CD300LG: variants seen among roughly 807,000 people sequenced by gnomAD.
CD300LG encodes CD300 molecule like family member g.
Under a neutral mutation model 31.5 loss-of-function variants are expected in CD300LG, and 29 were observed. The observed-to-expected ratio is 0.92, with a 90% CI of 0.68 to 1.25. The LOEUF (loss-of-function observed/expected upper bound fraction) is 1.25. CD300LG is among the 50% of genes most tolerant of loss of function. CD300LG has a pLI of 0.00. For synonymous variants in CD300LG, 175 were observed against 177.2 expected, an observed-to-expected ratio of 0.99 and a Z score of 0.10; for missense variants, 396 against 417.6, an observed-to-expected ratio of 0.95 and a Z score of 0.45.
intron 2 of CD300LG, 145 bp from the exon 3 acceptor site, chr17:43,852,767 C>G: frequency 1.8e-6 from 1 of 550,976 alleles, no homozygotes; most frequent in Non-Finnish European, 3.1e-6. Flanking sequence ...CTGGAACCCG[C>G]CACGTGGCTC....
chr17:43,848,962 G>A, intron 2 of CD300LG, 69 bp downstream of exon 2: 3 of 1,355,712 alleles, frequency 2.2e-6, no homozygotes, highest in Non-Finnish European at 2.1e-6. Flanking sequence ...GGGTGGTGGG[G>A]CATAATCCTG....
chr17:43,854,724 G>T (rs1297588906), intron 4 of CD300LG, among the ~76,000 whole-genome samples: 2 of 152,072 alleles, frequency 1.3e-5, no homozygotes, highest in African/African-American at 4.8e-5. Flanking sequence ...ATGACCTAAC[G>T]AGTCGCTCAT....
At chr17:43,857,847 G>C (rs1168639741) in intron 6 of CD300LG, 20 of 1,537,134 alleles carry the variant, frequency 1.3e-5, no homozygotes, top group Non-Finnish European at 1.5e-5. Flanking sequence ...TGGTGTGGCT[G>C]CTCTGGGACC....
rs181607972 is a variant in CD300LG, at chr17:43,848,507, T to C, written c.44-51T>C. On this transcript the variant is annotated intron_variant, in intron 1 of 6. Transcript: ENST00000317310. ...TAAAATGGAAGCTCTGGCCTTGACC[T>C]TGGTACATGGAGCCTGGTTTTTCCA... 9.8e-4 allele frequency: 1,436 copies of C among 1,460,884 alleles called. 15 individuals carry two copies. The African/African-American group carries it at 0.018, about 18-fold the overall frequency. The allele number at this position is 1,460,884 out of a possible 1,614,324, so 90.5% of individuals were successfully genotyped here. A position where few individuals can be genotyped will look rare whatever the true frequency, so the allele number is the denominator to read the frequency against.
chr17:43,851,475 T>G (rs1040989563), intron 2 of CD300LG, among the ~76,000 whole-genome samples: 4 of 152,012 alleles, frequency 2.6e-5, no homozygotes, highest in African/African-American at 9.7e-5. Flanking sequence ...ATACTCAATC[T>G]GTAGAAGAGA....
chr17:43,861,375 C>T (rs1318106213), intron 6 of CD300LG: 1 of 718,636 alleles, frequency 1.4e-6, no homozygotes, highest in Non-Finnish European at 1.7e-6. Flanking sequence ...AAACCCCACA[C>T]CCCCGCATCT....
rs1162022491 is a variant in CD300LG, at chr17:43,847,959, A to C, written c.44-599A>C. Among the ~76,000 whole-genome samples, 3 of 152,112 alleles carry C rather than the reference A, an allele frequency of 2.0e-5. No homozygotes were observed. In the East Asian group the frequency reaches 5.8e-4, roughly 29 times the overall value. On this transcript the variant is annotated intron_variant, in intron 1 of 6. Transcript: ENST00000317310. ...GTGAGATCCTGTCTAAAAACAAAACAAAACCAGGCACGGTGGCTCACGCCT... is the reference window on the plus strand; with the variant it reads ...GTGAGATCCTGTCTAAAAACAAAACCAAACCAGGCACGGTGGCTCACGCCT...
At position 43,861,258 on chromosome 17, in the gene CD300LG, G is replaced by C. The variant is rs948547121; in HGVS notation, c.886-540G>C. On this transcript the variant is annotated intron_variant, in intron 6 of 6. Transcript: ENST00000317310. ...GAGATCCAGTATCTAAGCCAAGTATGGACAGAAGGGCCCTGGGAAGGGAGG... is the reference window on the plus strand; with the variant it reads ...GAGATCCAGTATCTAAGCCAAGTATCGACAGAAGGGCCCTGGGAAGGGAGG... 5.8e-5 allele frequency: 57 copies of C among 985,394 alleles called. No homozygotes were observed. The African/African-American group carries it at 9.8e-4, about 17-fold the overall frequency. 61.0% of individuals were successfully genotyped at this position (985,394 alleles called of 1,614,324 possible).
chr17:43,851,640 A>ATTT (rs60784804), intron 2 of CD300LG, among the ~76,000 whole-genome samples: 7 of 111,870 alleles, frequency 6.3e-5, no homozygotes, highest in African/African-American at 7.4e-5. Context: ...GAGGACAGGA[A>ATTT]TTTTTTTTTT....
rs749105826 is a variant in CD300LG, at chr17:43,848,774, A to G, written c.260A>G (p.Glu87Gly). ...GTGTCCATCCGTGACAGCCGCCAGG[A>G]GCTCTCGCTCATTGTGACCCTGTGG... is the stretch of plus-strand genomic sequence containing the variant. ...GRVSIRDSRQ[E>G]LSLIVTLWNL... is the part of the protein sequence containing the mutation. The change falls in exon 2 of 7, where the codon GAG (glutamate) becomes GGG (glycine). Residue 87 changes from glutamate to glycine, a missense_variant. Physicochemically the swap from Glu to Gly is moderately conservative, Grantham distance 98. Transcript: ENST00000317310. 1 of 1,614,096 alleles carries G rather than the reference A, an allele frequency of 6.2e-7. No individual in the cohort carries two copies. The highest frequency in any genetic ancestry group is 2.2e-5 in the East Asian group (1 of 44,880).
At chr17:43,852,497 A>C (rs2046388672) in intron 2 of CD300LG, among the ~76,000 whole-genome samples, 1 of 152,210 alleles carries the variant, frequency 6.6e-6, no homozygotes, top group Admixed American at 6.5e-5. Context: ...TACAAGTGTG[A>C]GCCACCACAC....
chr17:43,852,634 T>A (rs2046391771), intron 2 of CD300LG, among the ~76,000 whole-genome samples: 1 of 152,182 alleles, frequency 6.6e-6, no homozygotes. Context: ...CACAGACTTT[T>A]GAGACAAAAC....
At chr17:43,853,407 C>T (rs1248165356) in intron 3 of CD300LG, among the ~76,000 whole-genome samples, 1 of 151,950 alleles carries the variant, frequency 6.6e-6, no homozygotes, top group Non-Finnish European at 1.5e-5. Flanking sequence ...GGAGGGGGCA[C>T]ATGGTGGTGA....
chr17:43,858,132 G>A, intron 6 of CD300LG: 1 of 1,311,218 alleles, frequency 7.6e-7, no homozygotes, highest in Non-Finnish European at 9.8e-7. Context: ...TTCTTTCCTG[G>A]CGCCAGTGAG....
At chr17:43,857,017 G>GGGCC in intron 5 of CD300LG, 87 bp from the exon 6 acceptor site, 1 of 1,353,188 alleles carries the variant, frequency 7.4e-7, no homozygotes, top group Non-Finnish European at 1.1e-6. Flanking sequence ...GTGTGCAAGG[G>GGGCC]GGCCAGTCCA....
At chr17:43,857,722 C>G in intron 6 of CD300LG, 1 of 1,479,198 alleles carries the variant, frequency 6.8e-7, no homozygotes, top group Non-Finnish European at 9.1e-7. Context: ...CCCATGGTCA[C>G]ACAGCAGGTG....
chr17:43,859,713 C>T (rs1943385770), intron 6 of CD300LG, among the ~76,000 whole-genome samples: 1 of 152,162 alleles, frequency 6.6e-6, no homozygotes, highest in African/African-American at 2.4e-5. Context: ...CCTCTGTCCT[C>T]ACCATGGGCA....
intron 4 of CD300LG, 58 bp from the exon 5 acceptor site, chr17:43,855,149 G>A (rs2046477230): frequency 8.2e-7 from 1 of 1,220,642 alleles, no homozygotes; most frequent in African/African-American, 1.5e-5. Flanking sequence ...ACCCCCAAAG[G>A]ACATAGACTC....
chr17:43,861,012 C>T, intron 6 of CD300LG: 1 of 743,842 alleles, frequency 1.3e-6, no homozygotes, highest in Non-Finnish European at 1.6e-6. Flanking sequence ...ATTCTCCCCT[C>T]CCGGCACCTC....
Sources: allele counts gnomAD v4.1 joint callset (sites outside exome capture counted in the v4.1 genomes callset), GRCh38; gene constraint gnomAD v4.1.1; transcripts MANE v1.5; gene names NCBI Gene and HGNC (gene_info 2026-07-23, HGNC 2026-07-21).